Variants in SYN1 observed in about 807,000 individuals in gnomAD.
The protein encoded by SYN1 is synapsin-1.
Under a neutral mutation model 44.6 loss-of-function variants are expected in SYN1, and 8 were observed. The observed-to-expected ratio is 0.18, with a 90% CI of 0.11 to 0.32. The LOEUF is 0.32. SYN1 is among the 10% of genes least tolerant of loss of function. The pLI is 1.00. For missense variants in SYN1, 451 were observed against 639.4 expected, an observed-to-expected ratio of 0.71 and a Z score of 3.18; for synonymous variants, 275 against 280.1, an observed-to-expected ratio of 0.98 and a Z score of 0.18.
At chrX:47,591,727 A>G (rs1322718132) in intron 5 of SYN1, among the ~76,000 whole-genome samples, 2 of 109,630 alleles carry the variant, frequency 1.8e-5, no homozygotes, top group East Asian at 5.7e-4. Context: ...TCTCAAAAAA[A>G]AAAAAAAGTT....
intron 3 of SYN1, 49 bp downstream of exon 3, chrX:47,606,890 AAGGGAG>A: frequency 9.0e-7 from 1 of 1,113,730 alleles, no homozygotes; most frequent in East Asian, 3.0e-5. Context: ...CCCCAGCTCT[AAGGGAG>A]AGTTCTTATG....
intron 10 of SYN1, 97 bp from the exon 11 acceptor site, chrX:47,574,872 GC>G: frequency 1.1e-6 from 1 of 906,785 alleles, no homozygotes; most frequent in Non-Finnish European, 1.6e-6. Context: ...GCTGGGTGTT[GC>G]CCCACTTGTG....
rs937498380 is a variant in SYN1 at position 47,575,344 on chromosome X, T to C, written c.1159-70A>G. On this transcript the variant is annotated intron_variant, in intron 9 of 12. Transcript: ENST00000295987. ...CCTGAGGCGGCAGTAACACCGTGCT[T>C]TCAGTTGGCCAAGGGCATGGCCGCC... The C allele has an allele frequency of 2.6e-6, 3 of 1,153,059 alleles. No individual in the cohort carries two copies. The African/African-American group carries it at 5.3e-5, about 20-fold the overall frequency.
In SYN1 at chrX:47,578,934, C is replaced by T. The variant is rs555070457; in HGVS notation, c.775-1433G>A. Among the ~76,000 whole-genome samples the T allele has an allele frequency of 1.3e-4, 14 of 111,634 alleles. No individual in the cohort carries two copies. In the South Asian group the frequency reaches 4.9e-3, roughly 39 times the overall value. On this transcript the variant is annotated intron_variant, in intron 5 of 12. Transcript: ENST00000295987. ...TCATTATGAGGTGGGCTGAGAGGCACGATGTTGGGACGGGGGTTTGGGGCA... is the reference window on the plus strand; with the variant it reads ...TCATTATGAGGTGGGCTGAGAGGCATGATGTTGGGACGGGGGTTTGGGGCA...
intron 1 of SYN1, among the ~76,000 whole-genome samples, chrX:47,611,794 G>A (rs967355299): frequency 9.0e-6 from 1 of 111,373 alleles, no homozygotes; most frequent in Non-Finnish European, 1.9e-5. Context: ...AGACTCAGGG[G>A]ACCGATGCAT....
At chrX:47,575,829 G>A (rs984777948) in intron 9 of SYN1, among the ~76,000 whole-genome samples, 1 of 111,455 alleles carries the variant, frequency 9.0e-6, no homozygotes, top group African/African-American at 3.3e-5. Context: ...CTTTGCTGTC[G>A]GTCCAGTTCG....
intron 5 of SYN1, among the ~76,000 whole-genome samples, chrX:47,590,947 CA>C (rs1342171538): frequency 8.9e-6 from 1 of 112,142 alleles, no homozygotes; most frequent in African/African-American, 3.2e-5. Context: ...AGCTGGAGTG[CA>C]GTGGTGCAAT....
chrX:47,576,111 C>T lies in SYN1; in HGVS notation c.1158+20G>A. 1.7e-6 allele frequency: 2 copies of T among 1,182,371 alleles called. No individual in the cohort carries two copies. Among genetic ancestry groups the T allele is most frequent in the Non-Finnish European group, 2.3e-6 (2 of 879,231 alleles). On this transcript the variant is annotated intron_variant, in intron 9 of 12. Coordinates refer to ENST00000295987, the MANE Select transcript of SYN1 (RefSeq NM_006950.3). Reference sequence around the variant, plus strand: ...GCATCTGTTCCTCCCTCTACCCCACCTACCCCTGGGTGCTCATACCTCAAT... The same window carrying T: ...GCATCTGTTCCTCCCTCTACCCCACTTACCCCTGGGTGCTCATACCTCAAT...
At chrX:47,605,131 C>T in intron 4 of SYN1, 64 bp from the exon 5 acceptor site, 3 of 1,194,515 alleles carry the variant, frequency 2.5e-6, no homozygotes, top group South Asian at 3.6e-5. Context: ...TTTCTGAACA[C>T]CCTCACTTCC....
At chrX:47,602,493 G>A (rs183409805) in intron 5 of SYN1, among the ~76,000 whole-genome samples, 1,271 of 110,921 alleles carry the variant, frequency 0.011, 10 homozygotes, top group Non-Finnish European at 0.018. Context: ...AATACAAAAA[G>A]TAGCTGGGCG....
Position 47,590,748 on chromosome X carries a change from C to T in SYN1, c.775-13247G>A, listed in dbSNP as rs1484888518. Among the ~76,000 whole-genome samples the T allele has an allele frequency of 3.6e-5, 4 of 110,209 alleles. No homozygotes were observed. The East Asian group carries it at 8.5e-4, about 24-fold the overall frequency. ...AGGGACTCCCGCAGCCACAGGCGTCCCCTTTGTGTTGTGGCTCACCCCTGT... is the reference window on the plus strand; with the variant it reads ...AGGGACTCCCGCAGCCACAGGCGTCTCCTTTGTGTTGTGGCTCACCCCTGT... On this transcript the variant is annotated intron_variant, in intron 5 of 12. Transcript: ENST00000295987.
At chrX:47,608,886 G>GACACACACACACAC (rs34092010) in intron 1 of SYN1, among the ~76,000 whole-genome samples, 1 of 89,543 alleles carries the variant, frequency 1.1e-5, no homozygotes, top group Non-Finnish European at 2.2e-5. Flanking sequence ...GTCTTGGACA[G>GACACACACACACAC]ACACACACAC....
In SYN1 at chrX:47,596,035, C is replaced by T. The variant is rs779328634; in HGVS notation, c.774+8943G>A. On this transcript the variant is annotated intron_variant, in intron 5 of 12. Coordinates refer to ENST00000295987, the MANE Select transcript of SYN1 (RefSeq NM_006950.3). Reference sequence around the variant, plus strand: ...TGTACACATCCCCTTCTCCTCACCTCCACAAGAGCCTTGAAAATCAACAGC... The same window carrying T: ...TGTACACATCCCCTTCTCCTCACCTTCACAAGAGCCTTGAAAATCAACAGC... 8.0e-5 allele frequency among the ~76,000 whole-genome samples: 9 copies of T among 112,402 alleles called. 1 individual carries two copies. The highest frequency in any genetic ancestry group is 1.3e-4 in the Non-Finnish European group (7 of 53,306).
At chrX:47,609,005 G>GGCACACACACACACAC (rs2057909178) in intron 1 of SYN1, among the ~76,000 whole-genome samples, 1 of 87,399 alleles carries the variant, frequency 1.1e-5, no homozygotes, top group Non-Finnish European at 2.3e-5. Context: ...CTCTCTCTCT[G>GGCACACACACACACAC]ACACACACAC....
At chrX:47,582,336 G>A (rs2057801606) in intron 5 of SYN1, 1 of 177,484 alleles carries the variant, frequency 5.6e-6, no homozygotes, top group Non-Finnish European at 1.1e-5. Flanking sequence ...GTGGGTGGAT[G>A]AGTAATGCAT....
chrX:47,598,083 A>G (rs1056716580), intron 5 of SYN1, among the ~76,000 whole-genome samples: 2 of 112,677 alleles, frequency 1.8e-5, no homozygotes, highest in East Asian at 5.5e-4. Context: ...GTAAATCTAC[A>G]TAAAGAAATA....
At position 47,575,166 on chromosome X, in the gene SYN1, GT is replaced by G; in HGVS notation, c.1266del (p.Gln423SerfsTer244). ...NKMAQALPRQ[R>X]QRDASPGRGS... ...CCCCTGCCAGGGGAGGCATCCCGCTGTCGCTGCCGGGGCAGGGCCTGAGCCA... is the reference window on the plus strand; with the variant it reads ...CCCCTGCCAGGGGAGGCATCCCGCTGCGCTGCCGGGGCAGGGCCTGAGCCA... On this transcript the variant is annotated frameshift_variant, in exon 10 of 13. Coordinates refer to ENST00000295987, the MANE Select transcript of SYN1 (RefSeq NM_006950.3). LOFTEE classifies it high-confidence loss of function. 1 of 1,193,559 alleles carries G rather than the reference GT, an allele frequency of 8.4e-7. No homozygotes were observed. Among genetic ancestry groups the G allele is most frequent in the Non-Finnish European group, 1.1e-6 (1 of 886,182 alleles).
intron 5 of SYN1, among the ~76,000 whole-genome samples, chrX:47,604,285 C>T (rs1259233104): frequency 7.6e-5 from 8 of 105,213 alleles, no homozygotes; most frequent in Non-Finnish European, 1.6e-4. Flanking sequence ...TGAGGTGGGA[C>T]TCTGTTGCCC....
chrX:47,585,352 C>T, intron 5 of SYN1: 3 of 1,211,292 alleles, frequency 2.5e-6, no homozygotes, highest in South Asian at 3.5e-5. Flanking sequence ...GTCCCCGCGC[C>T]CTGTGCCACA....
Sources: allele counts gnomAD v4.1 joint callset (sites outside exome capture counted in the v4.1 genomes callset), GRCh38; gene constraint gnomAD v4.1.1; transcripts MANE v1.5; gene names NCBI Gene and HGNC (gene_info 2026-07-23, HGNC 2026-07-21).